Variants in CYP4F12 observed in about 807,000 individuals in gnomAD.
CYP4F12 encodes the protein cytochrome P450 family 4 subfamily F member 12, also known as cytochrome P450 4F12.
CYP4F12 carries 60 observed loss-of-function variants against 56.5 expected under a neutral mutation model. That is an observed-to-expected ratio of 1.06 (90% CI 0.86 to 1.32). CYP4F12 has a LOEUF of 1.32. Among genes scored for constraint, CYP4F12 ranks in the 40% most tolerant of loss-of-function variants. The pLI is 0.00. For synonymous variants in CYP4F12, 263 were observed against 264.9 expected (o/e 0.99, Z 0.07); for missense variants, 711 against 683.5 (o/e 1.04, Z -0.45).
chr19:15,686,085 C>T (rs1260294061), intron 9 of CYP4F12, among the ~76,000 whole-genome samples: 1 of 152,212 alleles, frequency 6.6e-6, no homozygotes, highest in African/African-American at 2.4e-5. Flanking sequence ...CCCCACAAGA[C>T]ATTCCCAGTC....
intron 9 of CYP4F12, among the ~76,000 whole-genome samples, chr19:15,693,368 C>T (rs950202704): frequency 6.6e-6 from 1 of 152,110 alleles, no homozygotes; most frequent in Non-Finnish European, 1.5e-5. Flanking sequence ...TGTTTATAAA[C>T]GTTTTCCAGT....
intron 5 of CYP4F12, 85 bp from the exon 6 acceptor site, chr19:15,682,304 G>A (rs1229608556): frequency 2.6e-6 from 4 of 1,557,492 alleles, no homozygotes; most frequent in Non-Finnish European, 1.7e-6. Flanking sequence ...GCTGGTTGTG[G>A]GGGAGTCCAT....
At chr19:15,685,961 A>C (rs1377819079) in intron 9 of CYP4F12, among the ~76,000 whole-genome samples, 1 of 146,238 alleles carries the variant, frequency 6.8e-6, no homozygotes, top group Non-Finnish European at 1.5e-5. Context: ...AAACTCTTCC[A>C]CATGCCTTTC....
At chr19:15,676,518 C>A (rs2006940005) in intron 2 of CYP4F12, among the ~76,000 whole-genome samples, 1 of 24,158 alleles carries the variant, frequency 4.1e-5, no homozygotes, top group Admixed American at 6.4e-4. Flanking sequence ...TCTCCTCACC[C>A]ACTCATTCCT....
rs145964606 is a variant in CYP4F12 at position 15,696,270 on chromosome 19, T to TTGTGTG, written c.1314+56_1314+61dup. On this transcript the variant is annotated intron_variant, in intron 11 of 12. Transcript: ENST00000550308. ...CCACCACCACCCCCATCCTCTACTT[T>TTGTGTG]TGTGTGTGTGTGTGTGAATTCCAAG... The TTGTGTG allele has an allele frequency of 1.3e-3, 1,945 of 1,533,128 alleles. 13 individuals are homozygous for TTGTGTG. In the African/African-American group the frequency reaches 0.024, roughly 19 times the overall value. The allele number at this position is 1,533,128 out of a possible 1,614,324, so 95.0% of individuals were successfully genotyped here. A position where few individuals can be genotyped will look rare whatever the true frequency, so the allele number is the denominator to read the frequency against.
At chr19:15,690,160 T>A (rs935912642) in intron 9 of CYP4F12, among the ~76,000 whole-genome samples, 1 of 152,228 alleles carries the variant, frequency 6.6e-6, no homozygotes, top group Non-Finnish European at 1.5e-5. Flanking sequence ...TGGGAGCTTT[T>A]CTTTTTCTAA....
Position 15,696,143 on chromosome 19 carries a change from C to T in CYP4F12, c.1250-18C>T. The T allele has an allele frequency of 1.9e-6, 3 of 1,612,998 alleles. No individual in the cohort carries two copies. Among genetic ancestry groups the T allele is most frequent in the South Asian group, 1.1e-5 (1 of 90,978 alleles). Reference sequence around the variant, plus strand: ...CCTCAGGGGATCCTTGTCCTGACTGCCCCTTTCTCTCCCACAGGCATTACC... The same window carrying T: ...CCTCAGGGGATCCTTGTCCTGACTGTCCCTTTCTCTCCCACAGGCATTACC... On this transcript the variant is annotated intron_variant, in intron 10 of 12. Coordinates refer to ENST00000550308, the MANE Select transcript of CYP4F12 (RefSeq NM_023944.4).
rs765683827 is a variant in CYP4F12, at chr19:15,682,418, C to T, written c.555C>T (p.Gly185=). 6.2e-6 allele frequency: 10 copies of T among 1,613,486 alleles called. No individual in the cohort carries two copies. The Middle Eastern group carries it at 4.9e-4, about 80-fold the overall frequency. ...AGTGGCAGCACCTGGCCTCAGAGGG[C>T]AGCAGTCGTCTGGACATGTTTGAGC... ...LDKWQHLASE[G]SSRLDMFEHI... Residue 185 remains glycine, a synonymous_variant, in exon 6 of 13, where the codon GGC becomes GGT. Coordinates refer to ENST00000550308, the MANE Select transcript of CYP4F12 (RefSeq NM_023944.4).
intron 5 of CYP4F12, chr19:15,681,549 T>G (rs773746170): frequency 3.3e-5 from 5 of 152,238 alleles, no homozygotes; most frequent in African/African-American, 4.8e-5. Flanking sequence ...GTGACACTGG[T>G]GGGCCTCTAC....
chr19:15,696,933 A>G lies in CYP4F12; in HGVS notation c.1423A>G (p.Met475Val), dbSNP rs745854689. ...GAACTGCATCGGGCAGGCGTTCGCC[A>G]TGGCGGAGATGAAAGTGGTCCTGGC... is the stretch of plus-strand genomic sequence containing the variant. ...PRNCIGQAFA[M>V]AEMKVVLALM... The change falls in exon 13 of 13, where the codon ATG becomes GTG. Residue 475 changes from methionine to valine, a missense_variant. By Grantham distance (21) the Met-to-Val change is conservative (BLOSUM62 1). Coordinates refer to ENST00000550308, the MANE Select transcript of CYP4F12 (RefSeq NM_023944.4). 6 of 1,613,982 alleles carry G rather than the reference A, an allele frequency of 3.7e-6. No individual in the cohort carries two copies. Among genetic ancestry groups the G allele is most frequent in the South Asian group, 3.3e-5 (3 of 91,080 alleles).
intron 9 of CYP4F12, among the ~76,000 whole-genome samples, chr19:15,688,651 A>G (rs146579300): frequency 1.4e-4 from 22 of 152,292 alleles, no homozygotes; most frequent in African/African-American, 5.1e-4. Flanking sequence ...GTGTAGTCAA[A>G]GCAATACCAA....
At chr19:15,676,685 G>C (rs62639400) in intron 2 of CYP4F12, among the ~76,000 whole-genome samples, 13 of 10,748 alleles carry the variant, frequency 1.2e-3, no homozygotes, top group Admixed American at 1.7e-3. Context: ...TCATTCCTCT[G>C]CTCACTTAGT....
At chr19:15,676,076 G>A (rs62106465) in intron 2 of CYP4F12, among the ~76,000 whole-genome samples, 137,403 of 151,832 alleles carry the variant, frequency 0.9, 62,125 homozygotes, top group East Asian at 1. Flanking sequence ...AGGAGAAGAC[G>A]GATATCCCAG....
intron 6 of CYP4F12, among the ~76,000 whole-genome samples, chr19:15,683,136 G>A (rs2007402840): frequency 6.6e-6 from 1 of 152,128 alleles, no homozygotes; most frequent in Non-Finnish European, 1.5e-5. Flanking sequence ...GTTATGCTGG[G>A]GGCTGGAGCA....
chr19:15,682,291 G>A, intron 5 of CYP4F12, 98 bp from the exon 6 acceptor site: 7 of 1,518,676 alleles, frequency 4.6e-6, no homozygotes, highest in Non-Finnish European at 6.2e-6. Flanking sequence ...AGAGGACCAG[G>A]AGGCTGGTTG....
intron 7 of CYP4F12, chr19:15,684,436 A>C (rs2007489221): frequency 5.1e-6 from 1 of 196,510 alleles, no homozygotes; most frequent in African/African-American, 2.3e-5. Context: ...CTAGAATGTC[A>C]GCAAATATTT....
rs1190090786 is a variant in CYP4F12, at chr19:15,680,528, C to A, written c.525+9C>A. The A allele has an allele frequency of 3.1e-6, 5 of 1,614,078 alleles. No individual in the cohort carries two copies. Among genetic ancestry groups the A allele is most frequent in the Non-Finnish European group, 3.4e-6 (4 of 1,180,006 alleles). On this transcript the variant is annotated intron_variant, in intron 5 of 12. Transcript: ENST00000550308. Reference sequence around the variant, plus strand: ...GTGCAAACATCATGCTTGTGAGTCCCTTGAAGTCTGGGTCCCAGATGGAGT... The same window carrying A: ...GTGCAAACATCATGCTTGTGAGTCCATTGAAGTCTGGGTCCCAGATGGAGT...
At chr19:15,695,113 C>T (rs892461471) in intron 9 of CYP4F12, among the ~76,000 whole-genome samples, 1 of 151,926 alleles carries the variant, frequency 6.6e-6, no homozygotes, top group Non-Finnish European at 1.5e-5. Flanking sequence ...AAATGTCCAA[C>T]AATGATAGAC....
intron 3 of CYP4F12, among the ~76,000 whole-genome samples, chr19:15,679,617 C>G (rs901877548): frequency 9.9e-5 from 15 of 152,186 alleles, no homozygotes; most frequent in African/African-American, 3.4e-4. Flanking sequence ...TCTTCTCTGA[C>G]ATGTGATTTG....
Sources: gnomAD v4.1 joint callset for allele counts (sites outside exome capture counted in the v4.1 genomes callset) on GRCh38, gnomAD v4.1.1 for gene constraint, MANE v1.5 for transcripts, NCBI Gene and HGNC (gene_info 2026-07-23, HGNC 2026-07-21) for gene names.